The following TTC39C variants were observed in gnomAD, a reference collection of about 807,000 sequenced individuals.
TTC39C encodes the protein tetratricopeptide repeat domain 39C.
A neutral mutation model predicts 76.3 loss-of-function variants in TTC39C; 33 were observed. That is an observed-to-expected ratio of 0.43 (90% CI 0.33 to 0.58). The LOEUF (loss-of-function observed/expected upper bound fraction) is 0.58, where lower values mean the gene tolerates loss of function less well. Ranked by LOEUF, TTC39C falls within the 20% of genes least tolerant of loss-of-function variation. The pLI, the probability that TTC39C is intolerant of heterozygous loss-of-function variation, is 0.04. For missense variants in TTC39C, 595 were observed against 701.4 expected (o/e 0.85, Z 1.71); for synonymous variants, 254 against 260.6 (o/e 0.97, Z 0.24).
intron 1 of TTC39C, among the ~76,000 whole-genome samples, chr18:24,057,808 T>C (rs1434512248): frequency 2.0e-5 from 3 of 152,204 alleles, no homozygotes; most frequent in Non-Finnish European, 2.9e-5. Context: ...AATCCCATGA[T>C]TGGGTATATA....
chr18:24,054,253 C>T (rs1195351997), intron 1 of TTC39C, among the ~76,000 whole-genome samples: 1 of 152,182 alleles, frequency 6.6e-6, no homozygotes, highest in Non-Finnish European at 1.5e-5. Context: ...GTGAATCACT[C>T]ATTCCCACAT....
In TTC39C at chr18:24,014,791, A is replaced by C; in HGVS notation, c.-81A>C. The C allele has an allele frequency of 8.6e-7, 1 of 1,169,078 alleles. No individual in the cohort carries two copies. The highest frequency in any genetic ancestry group is 1.1e-6 in the Non-Finnish European group (1 of 945,350). The allele number at this position is 1,169,078 out of a possible 1,614,324, so 72.4% of individuals were successfully genotyped here. ...CGGCTCCGCTTGGCTCCGGGCAGGT[A>C]GAGCCGGGCTCCGGGCGCGCGCGGG... On this transcript the variant is annotated 5_prime_UTR_variant, in exon 1 of 14. Transcript: ENST00000317571.
chr18:24,064,123 G>C lies in TTC39C; in HGVS notation c.168-17G>C, dbSNP rs374040940. 1 of 1,612,806 alleles carries C rather than the reference G, an allele frequency of 6.2e-7. No homozygotes were observed. Among genetic ancestry groups the C allele is most frequent in the South Asian group, 1.1e-5 (1 of 90,710 alleles). ...AAATAATTGTATTTTGTGTGTGTGT[G>C]TGTGTTTTTTTAACAGAAATCATAG... On this transcript the variant is annotated splice_polypyrimidine_tract_variant and intron_variant, in intron 1 of 13. Coordinates refer to ENST00000317571, the MANE Select transcript of TTC39C (RefSeq NM_001135993.2).
At chr18:24,050,853 C>T (rs1272098359) in intron 1 of TTC39C, among the ~76,000 whole-genome samples, 1 of 133,162 alleles carries the variant, frequency 7.5e-6, no homozygotes, top group Non-Finnish European at 1.6e-5. Flanking sequence ...GCCTGGGCAA[C>T]AAGAGCAAAA....
chr18:24,114,869 G>T, intron 7 of TTC39C: 1 of 438,212 alleles, frequency 2.3e-6, no homozygotes, highest in Admixed American at 4.0e-5. Flanking sequence ...TAGGATAATA[G>T]GTGATGTTAA....
intron 1 of TTC39C, 104 bp from the exon 2 acceptor site, chr18:24,064,036 T>C: frequency 2.1e-6 from 3 of 1,458,634 alleles, no homozygotes; most frequent in Non-Finnish European, 2.8e-6. Context: ...TTTTATTCAA[T>C]TAGAAGGATT....
chr18:24,055,386 T>C (rs2084002737), intron 1 of TTC39C, among the ~76,000 whole-genome samples: 1 of 151,764 alleles, frequency 6.6e-6, no homozygotes, highest in African/African-American at 2.4e-5. Context: ...TCCACATCCT[T>C]TCTAACACTT....
chr18:24,018,424 A>G (rs1262301020), intron 1 of TTC39C, among the ~76,000 whole-genome samples: 1 of 152,106 alleles, frequency 6.6e-6, no homozygotes, highest in Non-Finnish European at 1.5e-5. Flanking sequence ...CACTGTTTGC[A>G]TATGTGACGT....
At chr18:24,045,263 T>A (rs1306033461) in intron 1 of TTC39C, among the ~76,000 whole-genome samples, 38 of 1,562 alleles carry the variant, frequency 0.024, no homozygotes, top group African/African-American at 0.046. Context: ...AGTAAGACTC[T>A]GTCTCCAAAA....
At chr18:24,114,529 A>G in intron 6 of TTC39C, 25 bp from the exon 7 acceptor site, 2 of 1,540,784 alleles carry the variant, frequency 1.3e-6, no homozygotes, top group Non-Finnish European at 1.8e-6. Context: ...CTTAGCTGGT[A>G]ATTCTGTTTT....
chr18:24,067,230 G>A (rs1397113508), intron 3 of TTC39C, among the ~76,000 whole-genome samples: 2 of 152,162 alleles, frequency 1.3e-5, no homozygotes, highest in African/African-American at 4.8e-5. Flanking sequence ...AAAGACCAAC[G>A]TTTTATAACG....
At chr18:24,042,933 G>A (rs2083815390) in intron 1 of TTC39C, among the ~76,000 whole-genome samples, 1 of 152,104 alleles carries the variant, frequency 6.6e-6, no homozygotes, top group African/African-American at 2.4e-5. Context: ...CAATTTGAGA[G>A]CAGATACCAT....
chr18:24,057,522 T>TCGTCGTTAGAAGTCA (rs58768924), intron 1 of TTC39C, among the ~76,000 whole-genome samples: 2 of 152,126 alleles, frequency 1.3e-5, no homozygotes, highest in African/African-American at 4.8e-5. Context: ...ACATTAGAAG[T>TCGTCGTTAGAAGTCA]GAATAGTGGT....
At position 24,133,532 on chromosome 18, in the gene TTC39C, C is replaced by T. The variant is rs2085161179; in HGVS notation, c.*958C>T. Reference sequence around the variant, plus strand: ...CTTTTGGAAATCTTTTGACACATTACTTGAAAAGGTTATTCGTGAATGAAC... The same window carrying T: ...CTTTTGGAAATCTTTTGACACATTATTTGAAAAGGTTATTCGTGAATGAAC... On this transcript the variant is annotated 3_prime_UTR_variant, in exon 14 of 14. Transcript: ENST00000317571. The T allele has an allele frequency of 6.6e-6, 1 of 152,142 alleles. No homozygotes were observed. The highest frequency in any genetic ancestry group is 2.4e-5 in the African/African-American group (1 of 41,424). The allele number at this position is 152,142 out of a possible 1,614,324, so 9.4% of individuals were successfully genotyped here. A position where few individuals can be genotyped will look rare whatever the true frequency, so the allele number is the denominator to read the frequency against.
intron 1 of TTC39C, among the ~76,000 whole-genome samples, chr18:24,030,990 C>T (rs112479314): frequency 0.036 from 5,429 of 151,572 alleles, 288 homozygotes; most frequent in African/African-American, 0.12. Flanking sequence ...GTTGCCCAGG[C>T]TGGAGTGCAG....
At chr18:24,086,820 G>A (rs2145769000) in intron 6 of TTC39C, among the ~76,000 whole-genome samples, 1 of 152,276 alleles carries the variant, frequency 6.6e-6, no homozygotes, top group South Asian at 2.1e-4. Context: ...ACAGTACCTA[G>A]CATGTGGCAA....
Position 24,064,167 on chromosome 18 carries a change from A to T in TTC39C, c.195A>T (p.Gly65=), listed in dbSNP as rs1461544411. 6.2e-7 allele frequency: 1 copy of T among 1,613,716 alleles called. No homozygotes were observed. The highest frequency in any genetic ancestry group is 8.5e-7 in the Non-Finnish European group (1 of 1,179,894). ...YRNHSPLMSF[G]ASFVSFLNAM... ...ATCATAGCCCACTAATGAGTTTTGGAGCCAGCTTTGTCAGTTTTTTGGTAA... is the reference window on the plus strand; with the variant it reads ...ATCATAGCCCACTAATGAGTTTTGGTGCCAGCTTTGTCAGTTTTTTGGTAA... The change falls in exon 2 of 14, where the codon GGA becomes GGT. Residue 65 remains glycine (G), a synonymous_variant. Coordinates refer to ENST00000317571, the MANE Select transcript of TTC39C (RefSeq NM_001135993.2).
At chr18:24,034,245 C>T (rs1046814672) in intron 1 of TTC39C, among the ~76,000 whole-genome samples, 1 of 152,212 alleles carries the variant, frequency 6.6e-6, no homozygotes, top group Non-Finnish European at 1.5e-5. Flanking sequence ...TAAGGAGTGT[C>T]ACAGTTCAAA....
intron 6 of TTC39C, chr18:24,099,420 C>T (rs964192912): frequency 2.6e-5 from 4 of 151,900 alleles, no homozygotes; most frequent in Admixed American, 2.6e-4. Context: ...CCTCACAAAA[C>T]TCCCACCTCC....
Sources: gnomAD v4.1 joint callset for allele counts (sites outside exome capture counted in the v4.1 genomes callset) on GRCh38, gnomAD v4.1.1 for gene constraint, MANE v1.5 for transcripts, NCBI Gene and HGNC (gene_info 2026-07-23, HGNC 2026-07-21) for gene names.